Variants in ATG4B observed in about 807,000 individuals in gnomAD.
ATG4B encodes the protein cysteine protease ATG4B.
ATG4B carries 29 observed loss-of-function variants against 56.6 expected under a neutral mutation model. The ratio of observed to expected loss-of-function variants is 0.51; its 90% CI spans 0.38 to 0.70. The LOEUF is 0.70. ATG4B is among the 30% of genes least tolerant of loss of function. The probability of loss-of-function intolerance (pLI) is 0.00; values close to 1 mark genes in which losing one functional copy is unlikely to be tolerated. For missense variants in ATG4B, 461 were observed against 515.5 expected, an observed-to-expected ratio of 0.89 and a Z score of 1.02; for synonymous variants, 224 against 206.1, an observed-to-expected ratio of 1.09 and a Z score of -0.74.
chr2:241,671,779 G>A, intron 12 of ATG4B: 2 of 1,282,424 alleles, frequency 1.6e-6, no homozygotes, highest in South Asian at 3.2e-5. Flanking sequence ...AGACCCCTCG[G>A]ACCATGGCCA....
At chr2:241,654,467 A>G (rs2068331186) in intron 4 of ATG4B, 79 bp from the exon 5 acceptor site, 5 of 860,506 alleles carry the variant, frequency 5.8e-6, no homozygotes, top group Non-Finnish European at 9.2e-6. Context: ...TTTGGATGCC[A>G]TCTGTATCTT....
At chr2:241,654,505 A>T in intron 4 of ATG4B, 41 bp from the exon 5 acceptor site, 1 of 1,414,612 alleles carries the variant, frequency 7.1e-7, no homozygotes, top group South Asian at 1.2e-5. Context: ...CTTGTTTCTC[A>T]TATTTATGGT....
intron 7 of ATG4B, among the ~76,000 whole-genome samples, chr2:241,662,857 C>T (rs540549542): frequency 4.1e-4 from 59 of 143,846 alleles, no homozygotes; most frequent in African/African-American, 1.5e-3. Flanking sequence ...GGGCCGGGCG[C>T]GGTGGCTCAC....
In ATG4B at chr2:241,653,560, G is replaced by A. The variant is rs767825540; in HGVS notation, c.233G>A (p.Cys78Tyr). Reference protein sequence around the residue: ...SDTGWGCMLRCGQMIFAQALV... With the variant: ...SDTGWGCMLRYGQMIFAQALV... Reference sequence around the variant, plus strand: ...ACAGGCTGGGGCTGCATGCTGCGGTGTGGACAGATGATCTTTGCCCAAGCC... The same window carrying A: ...ACAGGCTGGGGCTGCATGCTGCGGTATGGACAGATGATCTTTGCCCAAGCC... The change falls in exon 4 of 13, where the codon TGT becomes TAT. Residue 78 changes from cysteine (C) to tyrosine (Y), a missense_variant. Transcript: ENST00000404914. 2 of 1,582,756 alleles carry A rather than the reference G, an allele frequency of 1.3e-6. No homozygotes were observed. The highest frequency in any genetic ancestry group is 2.7e-5 in the African/African-American group (2 of 74,356).
At position 241,666,717 on chromosome 2, in the gene ATG4B, A is replaced by G. The variant is rs763279819; in HGVS notation, c.611A>G (p.Asn204Ser). The G allele has an allele frequency of 1.2e-6, 2 of 1,612,794 alleles. No homozygotes were observed. The highest frequency in any genetic ancestry group is 1.7e-6 in the Non-Finnish European group (2 of 1,179,454). Residue 204 changes from asparagine to serine, a missense_variant, in exon 8 of 13, where the codon AAC (asparagine) becomes AGC (serine). Physicochemically the swap from Asn to Ser is conservative, Grantham distance 46 (BLOSUM62 1). Transcript: ENST00000404914. ...AFPADSDRHC[N>S]GFPAGAEVTN... ...CCTGCAGATTCCGACCGGCACTGCA[A>G]CGGATTCCCTGCCGGAGCTGAGGTC...
chr2:241,641,016 C>G (rs1291222059), intron 1 of ATG4B, among the ~76,000 whole-genome samples: 2 of 152,160 alleles, frequency 1.3e-5, no homozygotes, highest in African/African-American at 2.4e-5. Flanking sequence ...TCTGGCATCT[C>G]TTTTGAGAAT....
In ATG4B at chr2:241,671,070, G is replaced by T. The variant is rs183783777; in HGVS notation, c.1015-242G>T. ...GTTGAGATGGGGGTGGTGATGGGGT[G>T]CTGAGCTACGCCGGCCGAGTGCGTG... is the stretch of plus-strand genomic sequence containing the variant. On this transcript the variant is annotated intron_variant, in intron 11 of 12. Transcript: ENST00000404914. Among the ~76,000 whole-genome samples the T allele has an allele frequency of 2.0e-5, 3 of 152,372 alleles. No individual in the cohort carries two copies. In the East Asian group the frequency reaches 5.8e-4, roughly 29 times the overall value.
chr2:241,657,239 T>A (rs2068435801), intron 6 of ATG4B, among the ~76,000 whole-genome samples: 1 of 149,146 alleles, frequency 6.7e-6, no homozygotes, highest in Admixed American at 6.7e-5. Flanking sequence ...CCTCCCAGAG[T>A]GCTGGGATTA....
rs145086367 is a variant in ATG4B, at chr2:241,659,002, C to T, written c.459-106C>T. ...TTTAGGAGCCTTGGCCCTTCTCATC[C>T]GAGAAGCACCTCTAACGCGAACCCT... On this transcript the variant is annotated intron_variant, in intron 6 of 12. Coordinates refer to ENST00000404914, the MANE Select transcript of ATG4B (RefSeq NM_013325.5). 3.2e-3 allele frequency: 2,534 copies of T among 782,172 alleles called. 64 individuals are homozygous for T. In the African/African-American group the frequency reaches 0.039, roughly 12 times the overall value. 48.5% of individuals were successfully genotyped at this position (782,172 alleles called of 1,614,324 possible).
chr2:241,666,337 G>T (rs1260825283), intron 7 of ATG4B, among the ~76,000 whole-genome samples: 1 of 152,248 alleles, frequency 6.6e-6, no homozygotes, highest in Non-Finnish European at 1.5e-5. Flanking sequence ...GGCAGGCTGC[G>T]TGGGTACTTC....
chr2:241,653,944 T>C (rs531451882), intron 4 of ATG4B, among the ~76,000 whole-genome samples: 1 of 134,184 alleles, frequency 7.5e-6, no homozygotes, highest in African/African-American at 2.9e-5. Context: ...TGAGCTGAGA[T>C]CGCACCACTG....
chr2:241,643,997 C>A (rs770985792), intron 1 of ATG4B, among the ~76,000 whole-genome samples: 3 of 152,196 alleles, frequency 2.0e-5, no homozygotes, highest in Non-Finnish European at 4.4e-5. Context: ...GGAACCTCTC[C>A]ATGGCGAATT....
intron 7 of ATG4B, among the ~76,000 whole-genome samples, chr2:241,664,602 G>A (rs1209253833): frequency 2.0e-5 from 3 of 151,844 alleles, no homozygotes; most frequent in South Asian, 2.1e-4. Context: ...ACCCATAATC[G>A]CACCTCTCAG....
chr2:241,653,746 C>T lies in ATG4B; in HGVS notation c.283+136C>T, dbSNP rs2068294340. The T allele has an allele frequency of 5.6e-6, 4 of 715,002 alleles. No homozygotes were observed. The East Asian group carries it at 1.1e-4, about 20-fold the overall frequency. 44.3% of individuals were successfully genotyped at this position (715,002 alleles called of 1,614,324 possible). On this transcript the variant is annotated intron_variant, in intron 4 of 12. Transcript: ENST00000404914. ...CTTGGGGGTTTCTTGAGTAATGAGC[C>T]ACTTGTTTTTCTTGATTTAAAAAAC...
intron 6 of ATG4B, among the ~76,000 whole-genome samples, chr2:241,658,609 C>A (rs1448277598): frequency 6.6e-6 from 1 of 151,712 alleles, no homozygotes; most frequent in African/African-American, 2.4e-5. Flanking sequence ...AAATCCAAGG[C>A]CATGGTTCCT....
chr2:241,666,804 C>T lies in ATG4B; in HGVS notation c.698C>T (p.Thr233Met), dbSNP rs369000453. 9.2e-5 allele frequency: 145 copies of T among 1,575,332 alleles called. 2 individuals are homozygous for T. In the South Asian group the frequency reaches 1.6e-3, roughly 17 times the overall value. Residue 233 changes from threonine to methionine, a missense_variant, in exon 8 of 13, where the codon ACG becomes ATG. By Grantham distance (81) the Thr-to-Met change is moderately conservative (BLOSUM62 -1). Transcript: ENST00000404914. ...CTCATTCCCCTGCGCCTGGGGCTCA[C>T]GGACATCAACGAGGCCTACGTGGAG... The part of the protein sequence containing the change: ...VLLIPLRLGL[T>M]DINEAYVETL...
chr2:241,649,426 A>G, intron 1 of ATG4B, among the ~76,000 whole-genome samples: 1 of 152,256 alleles, frequency 6.6e-6, no homozygotes, highest in East Asian at 1.9e-4. Context: ...TTGTTATCAA[A>G]AAGTAAATTT....
chr2:241,648,838 T>A (rs7577625), intron 1 of ATG4B, among the ~76,000 whole-genome samples: 72,597 of 151,966 alleles, frequency 0.48, 17,448 homozygotes, highest in East Asian at 0.58. Context: ...GGGAGATGCT[T>A]GCAGGTGCTT....
At position 241,651,683 on chromosome 2, in the gene ATG4B, G is replaced by A. The variant is rs746571708; in HGVS notation, c.184+348G>A. The stretch of plus-strand genomic sequence containing the variant: ...GCAGCATGGCGCTTCAGGGATCTTC[G>A]TTTTCGTTTGCATGTTTGAGTGTGT... On this transcript the variant is annotated intron_variant, in intron 3 of 12. Coordinates refer to ENST00000404914, the MANE Select transcript of ATG4B (RefSeq NM_013325.5). This position sits in a 1 kb window ranked among gnomAD's most constrained non-coding sequence, Gnocchi z 4.1. 2.6e-5 allele frequency among the ~76,000 whole-genome samples: 4 copies of A among 152,186 alleles called. No individual in the cohort carries two copies. Among genetic ancestry groups the A allele is most frequent in the Admixed American group, 6.5e-5 (1 of 15,276 alleles).
Sources: allele counts gnomAD v4.1 joint callset (sites outside exome capture counted in the v4.1 genomes callset), GRCh38; gene constraint gnomAD v4.1.1; non-coding constraint Gnocchi (gnomAD v3.1); transcripts MANE v1.5; gene names NCBI Gene and HGNC (gene_info 2026-07-23, HGNC 2026-07-21).